NSMCE2: variants seen among roughly 807,000 people sequenced by gnomAD.
NSMCE2 encodes the protein NSE2 SUMO ligase component of SMC5/6 complex.
A neutral mutation model predicts 23.8 loss-of-function variants in NSMCE2; 24 were observed. The ratio of observed to expected loss-of-function variants is 1.01; its 90% confidence interval spans 0.73 to 1.42. The LOEUF (loss-of-function observed/expected upper bound fraction) is 1.42, where lower values mean the gene tolerates loss of function less well. Among genes scored for constraint, NSMCE2 ranks in the 40% most tolerant of loss-of-function variants. The probability of loss-of-function intolerance (pLI) is 0.00; values close to 1 mark genes in which losing one functional copy is unlikely to be tolerated. For missense variants in NSMCE2, 284 were observed against 296.5 expected (o/e 0.96, Z 0.31); for synonymous variants, 92 against 94.1 (o/e 0.98, Z 0.13).
intron 5 of NSMCE2, among the ~76,000 whole-genome samples, chr8:125,196,192 C>CT (rs1554618199): frequency 1.0e-4 from 15 of 144,702 alleles, no homozygotes; most frequent in East Asian, 4.0e-4. Flanking sequence ...CCCTGGATAA[C>CT]TTTTTTTTTT....
chr8:125,180,256 T>A (rs1168678308), intron 4 of NSMCE2, among the ~76,000 whole-genome samples: 1 of 152,216 alleles, frequency 6.6e-6, no homozygotes, highest in African/African-American at 2.4e-5. Context: ...TATTCGTTCT[T>A]TAGCCATACA....
intron 3 of NSMCE2, among the ~76,000 whole-genome samples, chr8:125,124,426 ATTTG>A (rs1454824844): frequency 6.6e-6 from 1 of 151,508 alleles, no homozygotes. Flanking sequence ...GAACTCATTT[ATTTG>A]TTCTCATATT....
At chr8:125,095,924 A>G (rs901220841) in intron 1 of NSMCE2, among the ~76,000 whole-genome samples, 2 of 151,844 alleles carry the variant, frequency 1.3e-5, no homozygotes, top group African/African-American at 4.8e-5. Flanking sequence ...GAATACTGGA[A>G]TTATATCATT....
chr8:125,128,355 T>C (rs1401198254), intron 3 of NSMCE2, among the ~76,000 whole-genome samples: 1 of 151,854 alleles, frequency 6.6e-6, no homozygotes, highest in Non-Finnish European at 1.5e-5. Flanking sequence ...ACTAGAAAGG[T>C]GGTAAGGGAT....
intron 5 of NSMCE2, among the ~76,000 whole-genome samples, chr8:125,345,138 C>T (rs112376378): frequency 3.3e-5 from 5 of 151,818 alleles, no homozygotes; most frequent in Admixed American, 1.3e-4. Flanking sequence ...CAGAGGTGAT[C>T]GGGGGCGTAG....
At chr8:125,130,074 G>A (rs1586479162) in intron 3 of NSMCE2, 1 of 325,926 alleles carries the variant, frequency 3.1e-6, no homozygotes, top group African/African-American at 2.2e-5. Flanking sequence ...CATCATCTTC[G>A]TAGACGCTTC....
intron 5 of NSMCE2, among the ~76,000 whole-genome samples, chr8:125,326,051 A>T (rs894852218): frequency 6.6e-6 from 1 of 151,952 alleles, no homozygotes; most frequent in African/African-American, 2.4e-5. Flanking sequence ...AGGTCAGGAG[A>T]TCGAGACCAT....
intron 4 of NSMCE2, among the ~76,000 whole-genome samples, chr8:125,168,049 TATC>T (rs1821986183): frequency 6.6e-6 from 1 of 152,242 alleles, no homozygotes; most frequent in Admixed American, 6.5e-5. Flanking sequence ...TTACCTGGCT[TATC>T]ATTTCAAAAC....
intron 3 of NSMCE2, among the ~76,000 whole-genome samples, chr8:125,111,593 A>C (rs929768722): frequency 2.6e-5 from 4 of 152,178 alleles, no homozygotes; most frequent in African/African-American, 9.7e-5. Context: ...TGAGGTCAGG[A>C]GTTCCAGATC....
chr8:125,139,489 G>C (rs1212699860), intron 3 of NSMCE2, among the ~76,000 whole-genome samples: 4 of 152,188 alleles, frequency 2.6e-5, no homozygotes, highest in Non-Finnish European at 2.9e-5. Context: ...TTGACTCACA[G>C]TTCCACATGG....
At chr8:125,254,600 C>A (rs1239995281) in intron 5 of NSMCE2, among the ~76,000 whole-genome samples, 1 of 145,670 alleles carries the variant, frequency 6.9e-6, no homozygotes, top group Non-Finnish European at 1.5e-5. Flanking sequence ...ATCTGTTTAC[C>A]TCAGATTTTT....
intron 3 of NSMCE2, among the ~76,000 whole-genome samples, chr8:125,117,191 A>T (rs114477262): frequency 0.028 from 4,277 of 152,186 alleles, 202 homozygotes; most frequent in African/African-American, 0.097. Flanking sequence ...TGCTTAATTT[A>T]AAAAATCACC....
intron 1 of NSMCE2, among the ~76,000 whole-genome samples, chr8:125,096,283 TA>T (rs1289689048): frequency 2.6e-5 from 4 of 152,158 alleles, no homozygotes; most frequent in African/African-American, 9.7e-5. Context: ...GTGGAGCATA[TA>T]TAGGCATGTA....
intron 5 of NSMCE2, among the ~76,000 whole-genome samples, chr8:125,325,087 CAT>C (rs938186719): frequency 2.0e-5 from 3 of 152,024 alleles, no homozygotes; most frequent in African/African-American, 7.2e-5. Context: ...ACTTTATATG[CAT>C]AGTTAATTAT....
intron 5 of NSMCE2, among the ~76,000 whole-genome samples, chr8:125,223,204 A>G (rs1041465573): frequency 6.6e-6 from 1 of 151,676 alleles, no homozygotes; most frequent in Admixed American, 6.6e-5. Flanking sequence ...AAAAATACAA[A>G]AAAATTAGCC....
intron 5 of NSMCE2, among the ~76,000 whole-genome samples, chr8:125,281,287 G>A (rs545686337): frequency 6.6e-6 from 1 of 152,308 alleles, no homozygotes; most frequent in South Asian, 2.1e-4. Flanking sequence ...TAATATTGGA[G>A]ACATTCTAGT....
chr8:125,134,249 A>G (rs1176530837), intron 3 of NSMCE2, among the ~76,000 whole-genome samples: 2 of 152,248 alleles, frequency 1.3e-5, no homozygotes, highest in African/African-American at 4.8e-5. Context: ...AAGACTTCTG[A>G]GTCATTATGA....
chr8:125,158,983 C>A (rs1821462140), intron 4 of NSMCE2, among the ~76,000 whole-genome samples: 2 of 152,116 alleles, frequency 1.3e-5, no homozygotes, highest in South Asian at 4.1e-4. Context: ...CATCTCTGGT[C>A]CAAAATTATT....
At position 125,182,321 on chromosome 8, in the gene NSMCE2, C is replaced by G. The variant is rs944318517; in HGVS notation, c.418+65C>G. 22 of 1,194,898 alleles carry G rather than the reference C, an allele frequency of 1.8e-5. No individual in the cohort carries two copies. The Admixed American group carries it at 4.9e-4, about 27-fold the overall frequency. 74.0% of individuals were successfully genotyped at this position (1,194,898 alleles called of 1,614,324 possible). A position where few individuals can be genotyped will look rare whatever the true frequency, so the allele number is the denominator to read the frequency against. On this transcript the variant is annotated intron_variant, in intron 5 of 7. Coordinates refer to ENST00000287437, the MANE Select transcript of NSMCE2 (RefSeq NM_173685.4). Reference sequence around the variant, plus strand: ...TTAGGGAACTGACTTGATGAACAGCCCCAGTTAACTGATTTTATAAAGTTT... The same window carrying G: ...TTAGGGAACTGACTTGATGAACAGCGCCAGTTAACTGATTTTATAAAGTTT...
Sources: gnomAD v4.1 joint callset for allele counts (sites outside exome capture counted in the v4.1 genomes callset) on GRCh38, gnomAD v4.1.1 for gene constraint, MANE v1.5 for transcripts, NCBI Gene and HGNC (gene_info 2026-07-23, HGNC 2026-07-21) for gene names.